INPP4B: variants seen among roughly 807,000 people sequenced by gnomAD.
The protein encoded by INPP4B is inositol polyphosphate-4-phosphatase type II B, also known as inositol polyphosphate 4-phosphatase type II.
INPP4B carries 55 observed loss-of-function variants against 122.5 expected under a neutral mutation model. That is an observed-to-expected ratio of 0.45 (90% confidence interval 0.36 to 0.56). The LOEUF (loss-of-function observed/expected upper bound fraction) is 0.56, where lower values mean the gene tolerates loss of function less well. Ranked by LOEUF, INPP4B falls within the 20% of genes least tolerant of loss-of-function variation. The pLI is 0.00. For synonymous variants in INPP4B, 403 were observed against 388.7 expected (o/e 1.04, Z -0.43); for missense variants, 1,000 against 1,097.7 (o/e 0.91, Z 1.26).
At chr4:142,591,733 G>T (rs1447718097) in intron 2 of INPP4B, among the ~76,000 whole-genome samples, 1 of 152,104 alleles carries the variant, frequency 6.6e-6, no homozygotes, top group African/African-American at 2.4e-5. Flanking sequence ...ATGTGCCCTC[G>T]ATATGATGTT....
intron 25 of INPP4B, among the ~76,000 whole-genome samples, chr4:142,074,133 T>TA (rs1287243967): frequency 6.6e-6 from 1 of 152,016 alleles, no homozygotes; most frequent in Non-Finnish European, 1.5e-5. Flanking sequence ...AGCACATTTT[T>TA]AAAAAAATGC....
rs75292125 is a variant in INPP4B, at chr4:142,470,069, A to T, written c.-190-7343T>A. 6.3e-3 allele frequency among the ~76,000 whole-genome samples: 954 copies of T among 152,206 alleles called. 14 individuals are homozygous for T. The highest frequency in any genetic ancestry group is 0.022 in the African/African-American group (900 of 41,566). On this transcript the variant is annotated intron_variant, in intron 2 of 25. Coordinates refer to ENST00000262992, the MANE Select transcript of INPP4B (RefSeq NM_001101669.3). The stretch of plus-strand genomic sequence containing the variant: ...AAAAGTAAAGAAAAATGGAATTGAT[A>T]ATTTTCACACTTTTTTGGAGGGGTC...
At chr4:142,043,301 A>G (rs1749302991) in intron 25 of INPP4B, among the ~76,000 whole-genome samples, 1 of 152,246 alleles carries the variant, frequency 6.6e-6, no homozygotes, top group African/African-American at 2.4e-5. Context: ...TTTTGGAATA[A>G]CATGTACATG....
At chr4:142,091,553 A>G (rs1313812309) in intron 23 of INPP4B, among the ~76,000 whole-genome samples, 2 of 152,202 alleles carry the variant, frequency 1.3e-5, no homozygotes, top group African/African-American at 2.4e-5. Flanking sequence ...GTCAGAATGT[A>G]TCCAAAGTAA....
chr4:142,628,040 A>T (rs992904159), intron 2 of INPP4B, among the ~76,000 whole-genome samples: 5 of 151,996 alleles, frequency 3.3e-5, no homozygotes, highest in Non-Finnish European at 7.4e-5. Flanking sequence ...TTATTTGCGT[A>T]CCCAGCCATC....
intron 7 of INPP4B, among the ~76,000 whole-genome samples, chr4:142,316,529 TATA>T (rs77220793): frequency 0.21 from 32,101 of 152,040 alleles, 4,375 homozygotes; most frequent in East Asian, 0.48. Flanking sequence ...GTGCTATACA[TATA>T]ATGAATACTC....
chr4:142,044,588 T>C (rs1246666822), intron 25 of INPP4B, among the ~76,000 whole-genome samples: 4 of 152,000 alleles, frequency 2.6e-5, no homozygotes, highest in Non-Finnish European at 5.9e-5. Flanking sequence ...TGGAAACTAC[T>C]GTGTTCAGAG....
At chr4:142,124,492 AAT>A (rs1328426345) in intron 19 of INPP4B, 94 bp downstream of exon 19, 5 of 1,140,334 alleles carry the variant, frequency 4.4e-6, no homozygotes, top group Non-Finnish European at 6.4e-6. Flanking sequence ...TCTTTTTAAA[AAT>A]AAAGCTGTCC....
chr4:142,146,202 C>T (rs1810634829), intron 17 of INPP4B, among the ~76,000 whole-genome samples: 1 of 151,980 alleles, frequency 6.6e-6, no homozygotes, highest in Non-Finnish European at 1.5e-5. Flanking sequence ...GTATTATAAA[C>T]CTTTTTATTT....
intron 1 of INPP4B, among the ~76,000 whole-genome samples, chr4:142,773,036 T>C (rs1773331444): frequency 6.6e-6 from 1 of 151,818 alleles, no homozygotes; most frequent in African/African-American, 2.4e-5. Context: ...ACAGTGAAAC[T>C]TTGTCTAAAA....
chr4:142,650,421 C>T (rs866946364), intron 2 of INPP4B, among the ~76,000 whole-genome samples: 30 of 151,890 alleles, frequency 2.0e-4, no homozygotes, highest in African/African-American at 7.0e-4. Flanking sequence ...CACAGACTGG[C>T]AAATTGGATT....
chr4:142,502,751 G>A (rs1001746448), intron 2 of INPP4B, among the ~76,000 whole-genome samples: 1 of 152,100 alleles, frequency 6.6e-6, no homozygotes, highest in African/African-American at 2.4e-5. Context: ...AAAGTGCTGG[G>A]ATTACAGGTG....
At chr4:142,725,679 C>T (rs533982066) in intron 2 of INPP4B, among the ~76,000 whole-genome samples, 160 bp downstream of exon 2, 3 of 152,230 alleles carry the variant, frequency 2.0e-5, no homozygotes, top group South Asian at 4.1e-4. Context: ...TTCACTTTAT[C>T]AATCTGATGA....
chr4:142,340,682 G>C (rs1200218031), intron 7 of INPP4B, among the ~76,000 whole-genome samples: 1 of 152,138 alleles, frequency 6.6e-6, no homozygotes, highest in Non-Finnish European at 1.5e-5. Context: ...CAAAGTACTG[G>C]GATTACAGGC....
At chr4:142,810,178 A>AAG (rs919684825) in intron 1 of INPP4B, among the ~76,000 whole-genome samples, 2 of 151,842 alleles carry the variant, frequency 1.3e-5, no homozygotes, top group African/African-American at 4.8e-5. Flanking sequence ...TCAAAAAAAA[A>AAG]AAAAAAAATC....
At chr4:142,428,039 C>T (rs756626922) in intron 5 of INPP4B, among the ~76,000 whole-genome samples, 2 of 151,474 alleles carry the variant, frequency 1.3e-5, no homozygotes, top group Non-Finnish European at 2.9e-5. Flanking sequence ...ATTTAAAAAT[C>T]TTTAATATTT....
intron 1 of INPP4B, among the ~76,000 whole-genome samples, chr4:142,842,914 T>C (rs1783733614): frequency 7.2e-6 from 1 of 139,858 alleles, no homozygotes; most frequent in Admixed American, 7.6e-5. Context: ...TAATAATATA[T>C]ATACTATATA....
intron 11 of INPP4B, among the ~76,000 whole-genome samples, chr4:142,239,899 C>A (rs1579401042): frequency 6.6e-6 from 1 of 151,784 alleles, no homozygotes; most frequent in East Asian, 1.9e-4. Context: ...CATGATCACA[C>A]AGAACTTTTG....
At chr4:142,545,814 C>CACACATAT (rs1560782678) in intron 2 of INPP4B, among the ~76,000 whole-genome samples, 2 of 116,876 alleles carry the variant, frequency 1.7e-5, no homozygotes, top group African/African-American at 7.0e-5. Context: ...TACACATATA[C>CACACATAT]ATGTGTGTAT....
Sources: allele counts gnomAD v4.1 joint callset (sites outside exome capture counted in the v4.1 genomes callset), GRCh38; gene constraint gnomAD v4.1.1; transcripts MANE v1.5; gene names NCBI Gene and HGNC (gene_info 2026-07-23, HGNC 2026-07-21).